PTPRD: variants seen among roughly 807,000 people sequenced by gnomAD.
The protein encoded by PTPRD is protein tyrosine phosphatase receptor type D, also known as receptor-type tyrosine-protein phosphatase delta.
A neutral mutation model predicts 214.5 loss-of-function variants in PTPRD; 34 were observed. The observed-to-expected ratio is 0.16, with a 90% confidence interval of 0.12 to 0.21. The LOEUF is 0.21. Among genes scored for constraint, PTPRD ranks in the 10% least tolerant of loss-of-function variants. The pLI is 1.00. For missense variants in PTPRD, 2,545 were observed against 2,398.7 expected, an observed-to-expected ratio of 1.06 and a Z score of -1.27; for synonymous variants, 1,128 against 845.7, an observed-to-expected ratio of 1.33 and a Z score of -5.79.
At chr9:9,742,873 TTTA>T (rs1424033771) in intron 6 of PTPRD, among the ~76,000 whole-genome samples, 2 of 152,186 alleles carry the variant, frequency 1.3e-5, no homozygotes, top group Non-Finnish European at 2.9e-5. Context: ...GTTTTGCTTT[TTTA>T]TTGTTGTTAT....
Position 9,219,280 on chromosome 9 carries a change from T to C in PTPRD, c.-202-35917A>G, listed in dbSNP as rs148653393. On this transcript the variant is annotated intron_variant, in intron 9 of 45. Transcript: ENST00000381196. ...AGGTCTCTAGATGTACAGCTTGACA[T>C]AGTACAATTGATTTTGTTTTCAGAG... Among the ~76,000 whole-genome samples the C allele has an allele frequency of 5.3e-4, 81 of 152,260 alleles. 1 individual carries two copies. The East Asian group carries it at 0.015, about 28-fold the overall frequency.
At chr9:8,663,270 T>A (rs1565097408) in intron 12 of PTPRD, among the ~76,000 whole-genome samples, 1 of 149,718 alleles carries the variant, frequency 6.7e-6, no homozygotes, top group Non-Finnish European at 1.5e-5. Flanking sequence ...GAAACTAGTA[T>A]TGAGATAATT....
chr9:10,046,604 C>T (rs1353610177), intron 3 of PTPRD, among the ~76,000 whole-genome samples: 4 of 151,772 alleles, frequency 2.6e-5, no homozygotes, highest in African/African-American at 7.2e-5. Context: ...CAAGGCATAT[C>T]TAAATATAGA....
chr9:8,472,954 G>C (rs2096684582), intron 30 of PTPRD, among the ~76,000 whole-genome samples: 1 of 152,106 alleles, frequency 6.6e-6, no homozygotes, highest in Admixed American at 6.6e-5. Context: ...GCTGTGATAT[G>C]GGGGGAAATA....
chr9:10,418,047 A>G (rs1479586802), intron 2 of PTPRD, among the ~76,000 whole-genome samples: 1 of 151,906 alleles, frequency 6.6e-6, no homozygotes, highest in East Asian at 1.9e-4. Flanking sequence ...AGAAACCATG[A>G]AAGACAAACG....
At chr9:9,748,228 A>G (rs751314254) in intron 6 of PTPRD, among the ~76,000 whole-genome samples, 5 of 152,268 alleles carry the variant, frequency 3.3e-5, no homozygotes, top group Non-Finnish European at 5.9e-5. Context: ...ACTTTTATTT[A>G]CTTTTTATTA....
chr9:10,354,834 G>T (rs941601397), intron 2 of PTPRD, among the ~76,000 whole-genome samples: 1 of 152,124 alleles, frequency 6.6e-6, no homozygotes, highest in Non-Finnish European at 1.5e-5. Flanking sequence ...ACATGAGAAG[G>T]ATGTGTGCCG....
chr9:8,418,427 T>A (rs2131423972), intron 35 of PTPRD, among the ~76,000 whole-genome samples: 1 of 152,246 alleles, frequency 6.6e-6, no homozygotes, highest in Non-Finnish European at 1.5e-5. Context: ...TTGAATTCAT[T>A]ACCATAACTT....
At chr9:9,793,642 C>T (rs527741722) in intron 5 of PTPRD, among the ~76,000 whole-genome samples, 15 of 151,610 alleles carry the variant, frequency 9.9e-5, no homozygotes, top group East Asian at 1.9e-4. Context: ...GTGAATCAAG[C>T]GGGAAAAATT....
intron 11 of PTPRD, among the ~76,000 whole-genome samples, chr9:8,988,133 A>G (rs1338459787): frequency 6.6e-6 from 1 of 152,076 alleles, no homozygotes; most frequent in Admixed American, 6.6e-5. Context: ...AGGCATTTCA[A>G]GGAGGTAGTT....
chr9:8,799,416 G>GT (rs1438457868), intron 11 of PTPRD, among the ~76,000 whole-genome samples: 1 of 152,212 alleles, frequency 6.6e-6, no homozygotes, highest in Non-Finnish European at 1.5e-5. Context: ...CCTGCTGGAA[G>GT]AGACCTGGAA....
rs1251078363 is a variant in PTPRD, at chr9:8,335,966, C to CAA, written c.5379+2955_5379+2956insTT. On this transcript the variant is annotated intron_variant, in intron 43 of 45. Coordinates refer to ENST00000381196, the MANE Select transcript of PTPRD (RefSeq NM_002839.4). Reference sequence around the variant, plus strand: ...CACTGCTCAAGGAAATAAGAGAGGACACAAATGGAAGAACATTCCATGCTC... The same window carrying CAA: ...CACTGCTCAAGGAAATAAGAGAGGACAAACAAATGGAAGAACATTCCATGCTC... 9.2e-5 allele frequency among the ~76,000 whole-genome samples: 14 copies of CAA among 152,186 alleles called. No homozygotes were observed. In the East Asian group the frequency reaches 2.5e-3, roughly 27 times the overall value.
rs373554730 is a variant in PTPRD, at chr9:8,436,642, T to G, written c.4036A>C (p.Ile1346Leu). Residue 1346 changes from isoleucine to leucine, a missense_variant, in exon 35 of 46, where the codon ATT becomes CTT. Coordinates refer to ENST00000381196, the MANE Select transcript of PTPRD (RefSeq NM_002839.4). ...PIPILELADH[I>L]ERLKANDNLK... ...TTGTCATTTGCTTTCAATCTTTCAA[T>G]GTGGTCTGCAAGTTCCAAGATGGGT... 14 of 1,613,624 alleles carry G rather than the reference T, an allele frequency of 8.7e-6. No homozygotes were observed. The East Asian group carries it at 1.3e-4, about 15-fold the overall frequency.
chr9:9,503,629 C>A (rs992925569), intron 8 of PTPRD, among the ~76,000 whole-genome samples: 1 of 151,718 alleles, frequency 6.6e-6, no homozygotes, highest in African/African-American at 2.4e-5. Context: ...ACAGATCAAA[C>A]CTCCGAATCT....
At chr9:9,430,529 C>A (rs1042973382) in intron 8 of PTPRD, among the ~76,000 whole-genome samples, 5 of 152,142 alleles carry the variant, frequency 3.3e-5, no homozygotes, top group African/African-American at 7.2e-5. Flanking sequence ...CAATGATTTT[C>A]TTCACAGAAT....
chr9:9,414,692 C>G (rs1290336098), intron 8 of PTPRD: 1 of 152,150 alleles, frequency 6.6e-6, no homozygotes, highest in East Asian at 1.9e-4. Context: ...AATTTACCCT[C>G]AAGAATTTCA....
At chr9:8,642,588 A>C (rs2096600829) in intron 12 of PTPRD, among the ~76,000 whole-genome samples, 1 of 152,142 alleles carries the variant, frequency 6.6e-6, no homozygotes, top group African/African-American at 2.4e-5. Flanking sequence ...TCAGGATGAG[A>C]GCTCTGAAGG....
chr9:8,800,171 T>C (rs1043010443), intron 11 of PTPRD, among the ~76,000 whole-genome samples: 7 of 152,120 alleles, frequency 4.6e-5, no homozygotes, highest in Non-Finnish European at 8.8e-5. Context: ...GCATGCATCA[T>C]GCCTTTCTGA....
intron 11 of PTPRD, among the ~76,000 whole-genome samples, chr9:8,808,053 T>C (rs952119451): frequency 1.3e-5 from 2 of 152,212 alleles, no homozygotes; most frequent in Non-Finnish European, 2.9e-5. Context: ...CACAAGGTCA[T>C]GAAAGTCCCC....
Sources: allele counts gnomAD v4.1 joint callset (sites outside exome capture counted in the v4.1 genomes callset), GRCh38; gene constraint gnomAD v4.1.1; transcripts MANE v1.5; gene names NCBI Gene and HGNC (gene_info 2026-07-23, HGNC 2026-07-21).